The following RPS6KC1 variants were observed in gnomAD, a reference collection of about 807,000 sequenced individuals.
The protein encoded by RPS6KC1 is ribosomal protein S6 kinase C1, also known as inactive ribosomal protein S6 kinase delta-1.
RPS6KC1 carries 54 observed loss-of-function variants against 103.8 expected under a neutral mutation model. The observed-to-expected ratio is 0.52, with a 90% CI of 0.42 to 0.65. RPS6KC1 has a LOEUF of 0.65. Among genes scored for constraint, RPS6KC1 ranks in the 30% least tolerant of loss-of-function variants. RPS6KC1 has a pLI of 0.00. For missense variants in RPS6KC1, 1,151 were observed against 1,253.8 expected (o/e 0.92, Z 1.24); for synonymous variants, 439 against 438.7 (o/e 1.00, Z -0.01).
chr1:213,802,911 G>A, the RPS6KC1 span, among the ~76,000 whole-genome samples: 4 of 152,160 alleles, frequency 2.6e-5, no homozygotes, highest in African/African-American at 9.7e-5. Context: ...GATTCCAGGT[G>A]ACATGGTGAC....
the RPS6KC1 span, among the ~76,000 whole-genome samples, chr1:213,671,289 C>T: frequency 1.3e-5 from 2 of 152,168 alleles, no homozygotes; most frequent in East Asian, 3.9e-4. Flanking sequence ...ACAAATACCA[C>T]ATGATCTCAC....
At chr1:213,195,310 A>G (rs2092904187) in intron 8 of RPS6KC1, among the ~76,000 whole-genome samples, 1 of 152,204 alleles carries the variant, frequency 6.6e-6, no homozygotes, top group Non-Finnish European at 1.5e-5. Flanking sequence ...CTATAATAGT[A>G]TACTGTAGAT....
chr1:213,285,998 C>T, the RPS6KC1 span, among the ~76,000 whole-genome samples: 550 of 152,262 alleles, frequency 3.6e-3, 5 homozygotes, highest in African/African-American at 0.011. Flanking sequence ...TTATAAATTA[C>T]CCAGCCTAAG....
At chr1:213,343,690 A>G in the RPS6KC1 span, among the ~76,000 whole-genome samples, 3 of 151,828 alleles carry the variant, frequency 2.0e-5, no homozygotes, top group Non-Finnish European at 4.4e-5. Flanking sequence ...CACATTGGGT[A>G]TAATGTACAT....
chr1:213,677,898 C>T, the RPS6KC1 span, among the ~76,000 whole-genome samples: 4 of 151,762 alleles, frequency 2.6e-5, no homozygotes, highest in South Asian at 2.1e-4. Context: ...CCCAGCTACT[C>T]GGGAGGCTGA....
chr1:213,613,463 A>C, the RPS6KC1 span, among the ~76,000 whole-genome samples: 1 of 152,196 alleles, frequency 6.6e-6, no homozygotes, highest in Non-Finnish European at 1.5e-5. Flanking sequence ...TATTAAAGAA[A>C]TCTTTTTAAG....
chr1:213,117,228 T>C, intron 4 of RPS6KC1, 89 bp from the exon 5 acceptor site: 1 of 746,012 alleles, frequency 1.3e-6, no homozygotes, highest in Non-Finnish European at 2.3e-6. Flanking sequence ...TGTACATCTT[T>C]ACACATACTT....
the RPS6KC1 span, among the ~76,000 whole-genome samples, chr1:213,381,036 A>T: frequency 9.8e-4 from 149 of 152,256 alleles, 1 homozygote; most frequent in African/African-American, 3.4e-3. Context: ...AGAGCTTGGG[A>T]AGTGCTTCTG....
At chr1:213,795,827 G>A in the RPS6KC1 span, among the ~76,000 whole-genome samples, 8 of 151,888 alleles carry the variant, frequency 5.3e-5, no homozygotes, top group South Asian at 2.1e-4. Flanking sequence ...CGCTGGTTTC[G>A]TCTCTTAGCT....
chr1:213,407,615 A>G, the RPS6KC1 span, among the ~76,000 whole-genome samples: 1 of 152,212 alleles, frequency 6.6e-6, no homozygotes. Flanking sequence ...TTATTTGACT[A>G]CTTAAGATTA....
chr1:213,121,121 AT>A (rs1371272633), intron 5 of RPS6KC1, among the ~76,000 whole-genome samples: 1 of 152,152 alleles, frequency 6.6e-6, no homozygotes, highest in African/African-American at 2.4e-5. Context: ...TTTTGTAGAA[AT>A]GGGGTCTCAC....
the RPS6KC1 span, chr1:213,428,699 G>C: frequency 6.7e-6 from 1 of 148,854 alleles, no homozygotes; most frequent in African/African-American, 2.5e-5. Flanking sequence ...AATCAGCAGC[G>C]ATTAGTTCTC....
the RPS6KC1 span, among the ~76,000 whole-genome samples, chr1:213,428,051 C>CTA: frequency 6.6e-6 from 1 of 152,190 alleles, no homozygotes; most frequent in African/African-American, 2.4e-5. Context: ...TCACGGTTTG[C>CTA]TACAGCCTCT....
the RPS6KC1 span, among the ~76,000 whole-genome samples, chr1:213,289,137 A>G: frequency 6.6e-6 from 1 of 152,000 alleles, no homozygotes; most frequent in East Asian, 1.9e-4. Flanking sequence ...AGGTCTGGAA[A>G]CATAGTATCT....
At chr1:213,358,377 A>G in the RPS6KC1 span, among the ~76,000 whole-genome samples, 3 of 152,126 alleles carry the variant, frequency 2.0e-5, no homozygotes, top group Admixed American at 2.0e-4. Context: ...TGTATGTGTC[A>G]AGGAATTTAT....
At chr1:213,856,704 TGTAAGTGG>T in the RPS6KC1 span, among the ~76,000 whole-genome samples, 1 of 152,272 alleles carries the variant, frequency 6.6e-6, no homozygotes, top group Non-Finnish European at 1.5e-5. Flanking sequence ...AAGGAAACAC[TGTAAGTGG>T]GCACTTCCCT....
chr1:213,829,802 T>A, the RPS6KC1 span, among the ~76,000 whole-genome samples: 4 of 152,330 alleles, frequency 2.6e-5, no homozygotes. Flanking sequence ...CATTACCAGG[T>A]AATATGTGTT....
the RPS6KC1 span, among the ~76,000 whole-genome samples, chr1:213,737,603 G>A: frequency 2.6e-5 from 4 of 152,188 alleles, no homozygotes; most frequent in Admixed American, 2.6e-4. Context: ...GAGTTCATAA[G>A]CACAGAGGGA....
At chr1:213,729,436 T>A in the RPS6KC1 span, among the ~76,000 whole-genome samples, 1 of 152,210 alleles carries the variant, frequency 6.6e-6, no homozygotes, top group African/African-American at 2.4e-5. Context: ...GAACTGTACC[T>A]GCGCTTCCAA....
Sources: gnomAD v4.1 joint callset for allele counts (sites outside exome capture counted in the v4.1 genomes callset) on GRCh38, gnomAD v4.1.1 for gene constraint, MANE v1.5 for transcripts, NCBI Gene and HGNC (gene_info 2026-07-23, HGNC 2026-07-21) for gene names.